The following GRIK2 variants were observed in gnomAD, a reference collection of about 807,000 sequenced individuals.
GRIK2 encodes glutamate receptor ionotropic, kainate 2.
A neutral mutation model predicts 100.3 loss-of-function variants in GRIK2; 32 were observed. The ratio of observed to expected loss-of-function variants is 0.32; its 90% CI spans 0.24 to 0.43. The LOEUF is 0.43. Ranked by LOEUF, GRIK2 falls within the 20% of genes least tolerant of loss-of-function variation. The probability of loss-of-function intolerance (pLI) is 1.00; values close to 1 mark genes in which losing one functional copy is unlikely to be tolerated. For synonymous variants in GRIK2, 417 were observed against 389.4 expected, an observed-to-expected ratio of 1.07 and a Z score of -0.83; for missense variants, 843 against 1,114.9, an observed-to-expected ratio of 0.76 and a Z score of 3.47.
At chr6:101,519,413 C>A (rs1774759803) in intron 2 of GRIK2, among the ~76,000 whole-genome samples, 1 of 151,450 alleles carries the variant, frequency 6.6e-6, no homozygotes. Flanking sequence ...TTTCATTTCA[C>A]AAAACCAACC....
At chr6:101,530,538 T>A (rs1299315482) in intron 2 of GRIK2, among the ~76,000 whole-genome samples, 1 of 127,768 alleles carries the variant, frequency 7.8e-6, no homozygotes, top group Middle Eastern at 4.0e-3. Flanking sequence ...TGGATACATA[T>A]GGATGAAATA....
intron 2 of GRIK2, among the ~76,000 whole-genome samples, chr6:101,496,100 C>G (rs921842177): frequency 6.6e-6 from 1 of 152,030 alleles, no homozygotes; most frequent in African/African-American, 2.4e-5. Context: ...CGCACATCAC[C>G]ACACCTGGCT....
intron 7 of GRIK2, among the ~76,000 whole-genome samples, chr6:101,753,158 T>C (rs1359144314): frequency 2.6e-5 from 4 of 151,642 alleles, no homozygotes; most frequent in African/African-American, 9.7e-5. Context: ...GGCGGGCGCC[T>C]GTAGTCCCAG....
intron 14 of GRIK2, among the ~76,000 whole-genome samples, chr6:101,960,617 C>T (rs1024266807): frequency 7.2e-5 from 11 of 151,998 alleles, no homozygotes; most frequent in African/African-American, 2.7e-4. Flanking sequence ...TTGTAGATAA[C>T]CTTGGTTATA....
At chr6:101,806,892 A>G (rs184194648) in intron 9 of GRIK2, among the ~76,000 whole-genome samples, 1 of 151,784 alleles carries the variant, frequency 6.6e-6, no homozygotes, top group Admixed American at 6.6e-5. Flanking sequence ...ATTCACGTGA[A>G]CTTTATAAAA....
intron 12 of GRIK2, among the ~76,000 whole-genome samples, chr6:101,904,322 A>T (rs928757818): frequency 6.6e-6 from 1 of 151,506 alleles, no homozygotes; most frequent in Non-Finnish European, 1.5e-5. Flanking sequence ...TATTTAAGTG[A>T]TAGTTTATGA....
intron 4 of GRIK2, among the ~76,000 whole-genome samples, chr6:101,633,503 C>T (rs1160297113): frequency 7.9e-5 from 12 of 152,090 alleles, no homozygotes; most frequent in Non-Finnish European, 2.9e-5. Flanking sequence ...ATAGAGGAAA[C>T]ATAACAAGAA....
intron 7 of GRIK2, among the ~76,000 whole-genome samples, chr6:101,730,730 G>C (rs2128370866): frequency 6.6e-6 from 1 of 151,632 alleles, no homozygotes; most frequent in South Asian, 2.1e-4. Flanking sequence ...ATAGAGAAAA[G>C]ATAAAGAGAT....
At chr6:101,438,386 G>T (rs1310129537) in intron 2 of GRIK2, among the ~76,000 whole-genome samples, 1 of 152,038 alleles carries the variant, frequency 6.6e-6, no homozygotes, top group Non-Finnish European at 1.5e-5. Flanking sequence ...AGTGACACTG[G>T]CCATTAACTT....
chr6:102,061,695 T>G (rs966113813), intron 16 of GRIK2, among the ~76,000 whole-genome samples: 10 of 150,498 alleles, frequency 6.6e-5, no homozygotes, highest in Admixed American at 1.3e-4. Context: ...AATGAAACAA[T>G]GAATAAACAA....
chr6:101,508,179 AC>A (rs1387921613), intron 2 of GRIK2, among the ~76,000 whole-genome samples: 1 of 152,038 alleles, frequency 6.6e-6, no homozygotes, highest in Non-Finnish European at 1.5e-5. Context: ...CAGTGACAGG[AC>A]CAATTCAGAC....
chr6:101,462,673 T>G (rs1771389901), intron 2 of GRIK2, among the ~76,000 whole-genome samples: 1 of 152,132 alleles, frequency 6.6e-6, no homozygotes, highest in Non-Finnish European at 1.5e-5. Flanking sequence ...TAGCAAATTT[T>G]TAGAGAATGT....
intron 8 of GRIK2, among the ~76,000 whole-genome samples, chr6:101,800,766 C>G (rs906789245): frequency 2.0e-5 from 3 of 151,998 alleles, no homozygotes; most frequent in African/African-American, 7.2e-5. Context: ...AAAACTGAAA[C>G]TTAGTGAGCT....
intron 2 of GRIK2, among the ~76,000 whole-genome samples, chr6:101,462,367 TCTCAGGAGAA>T (rs1338827527): frequency 6.6e-6 from 1 of 152,152 alleles, no homozygotes; most frequent in Admixed American, 6.6e-5. Flanking sequence ...ATTTTCTGTT[TCTCAGGAGAA>T]GGTTGAATTC....
intron 4 of GRIK2, among the ~76,000 whole-genome samples, chr6:101,664,099 TCA>T (rs547568478): frequency 1.2e-3 from 176 of 152,312 alleles, no homozygotes; most frequent in Non-Finnish European, 1.7e-3. Flanking sequence ...GAGTTTATTC[TCA>T]GTTATGGGAG....
At chr6:101,890,895 C>G (rs1787009990) in intron 12 of GRIK2, among the ~76,000 whole-genome samples, 1 of 149,408 alleles carries the variant, frequency 6.7e-6, no homozygotes, top group Non-Finnish European at 1.5e-5. Flanking sequence ...TTTTAAATAT[C>G]AAAAAGATAA....
intron 2 of GRIK2, among the ~76,000 whole-genome samples, chr6:101,582,137 G>A (rs933073883): frequency 1.3e-4 from 19 of 151,918 alleles, no homozygotes; most frequent in African/African-American, 4.6e-4. Flanking sequence ...TGTTACATAG[G>A]TATACATGTG....
At chr6:101,627,620 A>G (rs1193715444) in intron 4 of GRIK2, among the ~76,000 whole-genome samples, 1 of 152,218 alleles carries the variant, frequency 6.6e-6, no homozygotes, top group Non-Finnish European at 1.5e-5. Context: ...TTTATAAGGC[A>G]TGTTAAGGTT....
chr6:102,000,276 C>CTT (rs34370144), intron 14 of GRIK2, among the ~76,000 whole-genome samples: 54 of 113,550 alleles, frequency 4.8e-4, no homozygotes, highest in East Asian at 2.6e-3. Flanking sequence ...TTGTTGAAGG[C>CTT]TTTTTTTTTT....
Sources: allele counts gnomAD v4.1 joint callset (sites outside exome capture counted in the v4.1 genomes callset), GRCh38; gene constraint gnomAD v4.1.1; transcripts MANE v1.5; gene names NCBI Gene and HGNC (gene_info 2026-07-23, HGNC 2026-07-21).